The following ADGRG2 variants were observed in gnomAD, a reference collection of about 807,000 sequenced individuals.
ADGRG2 encodes the protein adhesion G protein-coupled receptor G2.
ADGRG2 carries 26 observed loss-of-function variants against 74.1 expected under a neutral mutation model. That is an observed-to-expected ratio of 0.35 (90% CI 0.26 to 0.49). The LOEUF is 0.49. ADGRG2 is among the 20% of genes least tolerant of loss of function. The pLI is 0.99. For missense variants in ADGRG2, 619 were observed against 763.1 expected (o/e 0.81, Z 2.22); for synonymous variants, 296 against 295.2 (o/e 1.00, Z -0.03).
At chrX:19,089,955 A>G (rs1278079905) in intron 1 of ADGRG2, among the ~76,000 whole-genome samples, 2 of 111,761 alleles carry the variant, frequency 1.8e-5, no homozygotes, top group African/African-American at 6.5e-5. Flanking sequence ...TAACTTATAC[A>G]CCTTCTTTCT....
At chrX:19,092,332 G>C (rs890931887) in intron 1 of ADGRG2, among the ~76,000 whole-genome samples, 3 of 110,629 alleles carry the variant, frequency 2.7e-5, no homozygotes, top group African/African-American at 9.9e-5. Flanking sequence ...TTGAAAATAA[G>C]TCAGGTATCA....
chrX:19,117,927 C>T (rs1475903314), intron 1 of ADGRG2, among the ~76,000 whole-genome samples: 1 of 109,082 alleles, frequency 9.2e-6, no homozygotes, highest in Non-Finnish European at 1.9e-5. Context: ...TCCTAAACCT[C>T]TTAGGCTTTC....
intron 5 of ADGRG2, 33 bp downstream of exon 5, chrX:19,037,556 T>C: frequency 1.7e-6 from 2 of 1,148,329 alleles, no homozygotes; most frequent in Non-Finnish European, 2.4e-6. Context: ...CAAATTGGAC[T>C]AAATCTAGGT....
rs750845495 is a variant in ADGRG2, at chrX:19,114,979, T to C, written c.-47+7463A>G. ...TACCTGCTTCAAGAGGTTGGGAGGA[T>C]TAAATGAGTTAATAGATGTAAAGCA... is the stretch of plus-strand genomic sequence containing the variant. On this transcript the variant is annotated intron_variant, in intron 1 of 28. Transcript: ENST00000379869. Among the ~76,000 whole-genome samples, 3 of 111,933 alleles carry C rather than the reference T, an allele frequency of 2.7e-5. No homozygotes were observed. In the East Asian group the frequency reaches 8.4e-4, roughly 31 times the overall value.
chrX:19,091,492 T>TCACACA (rs57540002), intron 1 of ADGRG2, among the ~76,000 whole-genome samples: 124 of 82,633 alleles, frequency 1.5e-3, no homozygotes, highest in South Asian at 2.9e-3. Flanking sequence ...AGATTTTATG[T>TCACACA]CACACACACA....
At chrX:19,086,952 A>G (rs959258303) in intron 1 of ADGRG2, among the ~76,000 whole-genome samples, 7 of 111,494 alleles carry the variant, frequency 6.3e-5, no homozygotes, top group African/African-American at 2.3e-4. Context: ...GCCAGAGAGA[A>G]GGAAAGAGGA....
chrX:19,028,696 A>T (rs1366160447), intron 9 of ADGRG2, among the ~76,000 whole-genome samples: 12 of 111,538 alleles, frequency 1.1e-4, no homozygotes, highest in African/African-American at 3.9e-4. Flanking sequence ...ATGTTTTATG[A>T]AAGTTTATGA....
chrX:19,028,096 C>G, intron 10 of ADGRG2, 87 bp downstream of exon 10: 1 of 552,477 alleles, frequency 1.8e-6, no homozygotes, highest in Non-Finnish European at 3.1e-6. Context: ...TACCAAATAT[C>G]ATAAATAATC....
In ADGRG2 at chrX:19,081,143, T is replaced by G. The variant is rs192139894; in HGVS notation, c.-2+1559A>C. On this transcript the variant is annotated intron_variant, in intron 2 of 28. Coordinates refer to ENST00000379869, the MANE Select transcript of ADGRG2 (RefSeq NM_001079858.3). ...ACAAACAAAAGATACTTTCTCTTCA[T>G]GGTCCATCAGACTCGACTTTGCCTA... Among the ~76,000 whole-genome samples, 19 of 110,879 alleles carry G rather than the reference T, an allele frequency of 1.7e-4. No individual in the cohort carries two copies. In the East Asian group the frequency reaches 5.1e-3, roughly 30 times the overall value.
Position 19,038,015 on chromosome X carries a change from G to A in ADGRG2, c.155-379C>T, listed in dbSNP as rs181781701. ...TTACAATCATGAAATATATTGGCACGCTGGTGCCATTCTGTTACAGTGATG... is the reference window on the plus strand; with the variant it reads ...TTACAATCATGAAATATATTGGCACACTGGTGCCATTCTGTTACAGTGATG... On this transcript the variant is annotated intron_variant, in intron 4 of 28. Transcript: ENST00000379869. Among the ~76,000 whole-genome samples, 313 of 112,253 alleles carry A rather than the reference G, an allele frequency of 2.8e-3. 1 individual carries two copies. Among genetic ancestry groups the A allele is most frequent in the African/African-American group, 9.4e-3 (291 of 30,978 alleles).
chrX:19,103,579 G>A (rs1011578308), intron 1 of ADGRG2, among the ~76,000 whole-genome samples: 1 of 111,441 alleles, frequency 9.0e-6, no homozygotes, highest in Admixed American at 9.6e-5. Context: ...GGTCTGGATC[G>A]GGACCTCTTT....
At chrX:19,084,219 A>T (rs1398991038) in intron 1 of ADGRG2, among the ~76,000 whole-genome samples, 1 of 109,355 alleles carries the variant, frequency 9.1e-6, no homozygotes, top group Non-Finnish European at 1.9e-5. Flanking sequence ...ACCAAACACC[A>T]CATATTCTCA....
At chrX:19,009,846 C>A in intron 17 of ADGRG2, 64 bp from the exon 18 acceptor site, 1 of 928,635 alleles carries the variant, frequency 1.1e-6, no homozygotes, top group South Asian at 2.4e-5. Flanking sequence ...GAGTCTCGCT[C>A]TGTTGCCAGG....
In ADGRG2 at chrX:19,016,506, G is replaced by A. The variant is rs192264134; in HGVS notation, c.711-2432C>T. Among the ~76,000 whole-genome samples, 201 of 110,468 alleles carry A rather than the reference G, an allele frequency of 1.8e-3. 1 individual carries two copies. Among genetic ancestry groups the A allele is most frequent in the African/African-American group, 6.3e-3 (193 of 30,442 alleles). ...TCTCTGAGGGTGGGAGGCAGGCATCGATGTATTTTTGTTTTTATTTTTTAT... is the reference window on the plus strand; with the variant it reads ...TCTCTGAGGGTGGGAGGCAGGCATCAATGTATTTTTGTTTTTATTTTTTAT... On this transcript the variant is annotated intron_variant, in intron 15 of 28. Coordinates refer to ENST00000379869, the MANE Select transcript of ADGRG2 (RefSeq NM_001079858.3).
At position 18,990,353 on chromosome X, in the gene ADGRG2, G is replaced by A. The variant is rs1348382990; in HGVS notation, c.*511C>T. ...GAGCAAGGATTTTCTGAATTATCAC[G>A]TGAGACAAAACAACCATGATTCTAC... On this transcript the variant is annotated 3_prime_UTR_variant, in exon 29 of 29. Transcript: ENST00000379869. 1 of 112,680 alleles carries A rather than the reference G, an allele frequency of 8.9e-6. No homozygotes were observed. Among genetic ancestry groups the A allele is most frequent in the Non-Finnish European group, 1.9e-5 (1 of 53,303 alleles). The allele number at this position is 112,680 out of a possible 1,213,427, so 9.3% of individuals were successfully genotyped here.
At chrX:19,036,616 A>AAAAC (rs1555898820) in intron 6 of ADGRG2, among the ~76,000 whole-genome samples, 2 of 94,691 alleles carry the variant, frequency 2.1e-5, no homozygotes, top group African/African-American at 7.6e-5. Flanking sequence ...TCATACTTAA[A>AAAAC]ACACACACAC....
intron 1 of ADGRG2, among the ~76,000 whole-genome samples, chrX:19,090,785 T>A (rs1056857977): frequency 9.0e-6 from 1 of 111,684 alleles, no homozygotes; most frequent in South Asian, 3.7e-4. Flanking sequence ...ATGATGTTAA[T>A]GTTTAGAAAG....
chrX:19,010,513 G>C (rs1234736434), intron 17 of ADGRG2, 100 bp downstream of exon 17: 1 of 674,214 alleles, frequency 1.5e-6, no homozygotes. Context: ...GATGTACCTG[G>C]TACTTGGGAG....
intron 2 of ADGRG2, among the ~76,000 whole-genome samples, chrX:19,080,678 G>C (rs1462567873): frequency 9.0e-6 from 1 of 110,876 alleles, no homozygotes; most frequent in Non-Finnish European, 1.9e-5. Context: ...TTCTTTTATT[G>C]TTTTTTGGTT....
Sources: allele counts gnomAD v4.1 joint callset (sites outside exome capture counted in the v4.1 genomes callset), GRCh38; gene constraint gnomAD v4.1.1; transcripts MANE v1.5; gene names NCBI Gene and HGNC (gene_info 2026-07-23, HGNC 2026-07-21).